FRMPD4: variants seen among roughly 807,000 people sequenced by gnomAD.
FRMPD4 encodes FERM and PDZ domain-containing protein 4.
FRMPD4 carries 22 observed loss-of-function variants against 94.1 expected under a neutral mutation model. The observed-to-expected ratio is 0.23, with a 90% confidence interval of 0.17 to 0.33. The LOEUF is 0.33. Among genes scored for constraint, FRMPD4 ranks in the 10% least tolerant of loss-of-function variants. The probability of loss-of-function intolerance (pLI) is 1.00; values close to 1 mark genes in which losing one functional copy is unlikely to be tolerated. For synonymous variants in FRMPD4, 631 were observed against 548.6 expected (o/e 1.15, Z -2.10); for missense variants, 1,111 against 1,339.9 (o/e 0.83, Z 2.67).
intron 4 of FRMPD4, among the ~76,000 whole-genome samples, chrX:12,654,050 C>T (rs746620345): frequency 4.5e-5 from 5 of 112,229 alleles, no homozygotes; most frequent in Admixed American, 9.4e-5. Context: ...GCATTACAGG[C>T]GTGAGCCACC....
chrX:12,640,995 C>A (rs767341543), intron 4 of FRMPD4, among the ~76,000 whole-genome samples: 1 of 111,192 alleles, frequency 9.0e-6, no homozygotes, highest in South Asian at 3.9e-4. Flanking sequence ...CCAGATTGGG[C>A]AACATAGTGA....
At chrX:12,672,582 G>A (rs1474349543) in intron 4 of FRMPD4, among the ~76,000 whole-genome samples, 1 of 111,747 alleles carries the variant, frequency 8.9e-6, no homozygotes, top group Non-Finnish European at 1.9e-5. Context: ...TGAGTAAGGG[G>A]TAAGGGTTCC....
chrX:12,707,348 A>G, intron 12 of FRMPD4, 121 bp from the exon 13 acceptor site: 2 of 536,451 alleles, frequency 3.7e-6, no homozygotes, highest in Non-Finnish European at 6.1e-6. Flanking sequence ...GATTTAGTAC[A>G]GTATGACCCA....
chrX:12,109,272 C>T (rs866919763), intron 3 of FRMPD4, among the ~76,000 whole-genome samples: 8 of 112,065 alleles, frequency 7.1e-5, no homozygotes, highest in Non-Finnish European at 1.1e-4. Context: ...AAGAAACTCA[C>T]TCAAAACTGC....
intron 1 of FRMPD4, among the ~76,000 whole-genome samples, chrX:11,860,799 A>G (rs1405808212): frequency 8.9e-6 from 1 of 112,005 alleles, no homozygotes; most frequent in Non-Finnish European, 1.9e-5. Flanking sequence ...CATTGCTGAA[A>G]GTGAGGTGGG....
chrX:12,417,273 T>G (rs1419621442), intron 1 of FRMPD4, among the ~76,000 whole-genome samples: 1 of 111,462 alleles, frequency 9.0e-6, no homozygotes, highest in Non-Finnish European at 1.9e-5. Flanking sequence ...AGCACACATA[T>G]TTCTATATAA....
chrX:12,661,645 T>C (rs1383262922), intron 4 of FRMPD4, among the ~76,000 whole-genome samples: 1 of 111,754 alleles, frequency 8.9e-6, no homozygotes, highest in Non-Finnish European at 1.9e-5. Context: ...ATGAGCAGAG[T>C]GTAAATGCTT....
chrX:11,851,206 T>C (rs1188353553), intron 1 of FRMPD4, among the ~76,000 whole-genome samples: 2 of 111,820 alleles, frequency 1.8e-5, no homozygotes, highest in African/African-American at 6.5e-5. Flanking sequence ...CTCTGTTTGT[T>C]GTATGCTCAT....
intron 1 of FRMPD4, among the ~76,000 whole-genome samples, chrX:12,488,520 A>C (rs2057760437): frequency 1.8e-5 from 2 of 112,003 alleles, no homozygotes; most frequent in Admixed American, 9.5e-5. Flanking sequence ...CCCTATTTAC[A>C]AGACAAGATC....
At chrX:11,969,794 T>C (rs2054330503) in intron 3 of FRMPD4, among the ~76,000 whole-genome samples, 1 of 111,969 alleles carries the variant, frequency 8.9e-6, no homozygotes, top group Non-Finnish European at 1.9e-5. Context: ...CACATGTGCA[T>C]TCATTCTTAT....
rs779775907 is a variant in FRMPD4, at chrX:12,099,226, A to T, written c.95+221208A>T. Among the ~76,000 whole-genome samples, 49 of 110,219 alleles carry T rather than the reference A, an allele frequency of 4.4e-4. 1 individual carries two copies. The highest frequency in any genetic ancestry group is 1.2e-3 in the South Asian group (3 of 2,608). ...CCTAAAACTTAAAGTATAATAAAAA[A>T]ATATATATATATATTTCCAGTTGAC... On this transcript the variant is annotated intron_variant, in intron 3 of 18. Coordinates refer to the FRMPD4 transcript ENST00000640291.
chrX:12,347,494 C>A (rs1202737144), intron 1 of FRMPD4, among the ~76,000 whole-genome samples: 2 of 111,304 alleles, frequency 1.8e-5, no homozygotes, highest in African/African-American at 6.5e-5. Flanking sequence ...CCTTGGCCCC[C>A]CAAAGGTCTG....
At chrX:12,419,863 C>CTCCT (rs2056859803) in intron 1 of FRMPD4, among the ~76,000 whole-genome samples, 1 of 111,503 alleles carries the variant, frequency 9.0e-6, no homozygotes, top group Admixed American at 9.5e-5. Flanking sequence ...CCTCCTTTAT[C>CTCCT]TCCTTCATGG....
intron 3 of FRMPD4, among the ~76,000 whole-genome samples, chrX:11,889,596 T>TC (rs1425892028): frequency 8.9e-6 from 1 of 112,665 alleles, no homozygotes; most frequent in African/African-American, 3.2e-5. Context: ...AGCTATTAAT[T>TC]GCCATATAAC....
chrX:11,933,392 G>T (rs1353868763), intron 3 of FRMPD4, among the ~76,000 whole-genome samples: 1 of 112,326 alleles, frequency 8.9e-6, no homozygotes, highest in African/African-American at 3.2e-5. Context: ...CCTAGTTTTG[G>T]ATTATAAGCT....
chrX:12,376,505 T>C (rs1419536565), intron 1 of FRMPD4, among the ~76,000 whole-genome samples: 3 of 112,946 alleles, frequency 2.7e-5, no homozygotes, highest in Non-Finnish European at 5.6e-5. Context: ...CTAGATGTTA[T>C]TTTTTAACCT....
intron 1 of FRMPD4, among the ~76,000 whole-genome samples, chrX:12,251,185 G>C (rs1027099819): frequency 1.8e-5 from 2 of 112,029 alleles, no homozygotes; most frequent in African/African-American, 3.2e-5. Context: ...CTTCCACAGG[G>C]AAGCCAGGCA....
chrX:12,642,039 T>C (rs1282174778), intron 4 of FRMPD4, among the ~76,000 whole-genome samples: 1 of 104,080 alleles, frequency 9.6e-6, no homozygotes, highest in Non-Finnish European at 2.0e-5. Context: ...TTTTTCCTGT[T>C]TTAGAAGTGA....
intron 1 of FRMPD4, among the ~76,000 whole-genome samples, chrX:12,427,897 CTTTTTTTTTTTTTTTTTT>C (rs139267482): frequency 3.7e-5 from 2 of 54,771 alleles, no homozygotes; most frequent in Non-Finnish European, 6.1e-5. Flanking sequence ...CCTTTTTTCT[CTTTTTTTTTTTTTTTTTT>C]TTTTTTTTTT....
Sources: allele counts gnomAD v4.1 joint callset (sites outside exome capture counted in the v4.1 genomes callset), GRCh38; gene constraint gnomAD v4.1.1; transcripts MANE v1.5; gene names NCBI Gene and HGNC (gene_info 2026-07-23, HGNC 2026-07-21).